The following MDM2 variants were observed in gnomAD, a reference collection of about 807,000 sequenced individuals.
The protein encoded by MDM2 is E3 ubiquitin-protein ligase Mdm2.
MDM2 carries 11 observed loss-of-function variants against 64.3 expected under a neutral mutation model. The ratio of observed to expected loss-of-function variants is 0.17; its 90% CI spans 0.11 to 0.28. The LOEUF (loss-of-function observed/expected upper bound fraction) is 0.28. MDM2 is among the 10% of genes least tolerant of loss of function. The probability of loss-of-function intolerance (pLI) is 1.00; values close to 1 mark genes in which losing one functional copy is unlikely to be tolerated. For missense variants in MDM2, 388 were observed against 577.1 expected (o/e 0.67, Z 3.36); for synonymous variants, 194 against 192.9 (o/e 1.01, Z -0.05).
rs1037147768 is a variant in MDM2 at position 68,845,251 on chromosome 12, T to C, written c.*5402T>C. ...CAGCTTAAAAAATTGTTTAAAAGTT[T>C]GTGATCATATTGTCTACCATGTAGC... On this transcript the variant is annotated 3_prime_UTR_variant, in exon 11 of 11. Coordinates refer to ENST00000258149, the MANE Select transcript of MDM2 (RefSeq NM_002392.6). 1 of 215,524 alleles carries C rather than the reference T, an allele frequency of 4.6e-6. No homozygotes were observed. Among genetic ancestry groups the C allele is most frequent in the African/African-American group, 2.3e-5 (1 of 44,260 alleles). The allele number at this position is 215,524 out of a possible 1,614,324, so 13.4% of individuals were successfully genotyped here.
rs967733380 is a variant in MDM2 at position 68,842,325 on chromosome 12, C to T, written c.*2476C>T. The T allele has an allele frequency of 6.3e-5, 31 of 495,308 alleles. No homozygotes were observed. Among genetic ancestry groups the T allele is most frequent in the Non-Finnish European group, 9.6e-5 (24 of 250,538 alleles). The allele number at this position is 495,308 out of a possible 1,614,324, so 30.7% of individuals were successfully genotyped here. A position where few individuals can be genotyped will look rare whatever the true frequency, so the allele number is the denominator to read the frequency against. On this transcript the variant is annotated 3_prime_UTR_variant, in exon 11 of 11. Coordinates refer to ENST00000258149, the MANE Select transcript of MDM2 (RefSeq NM_002392.6). ...TTGACCCCTGTTGCAGGCAAAGGAACGCAGCTGGAAGAAAAGATGATATAA... is the reference window on the plus strand; with the variant it reads ...TTGACCCCTGTTGCAGGCAAAGGAATGCAGCTGGAAGAAAAGATGATATAA...
At chr12:68,832,002 G>A (rs1315673846) in intron 8 of MDM2, among the ~76,000 whole-genome samples, 5 of 152,130 alleles carry the variant, frequency 3.3e-5, no homozygotes, top group Non-Finnish European at 7.4e-5. Context: ...CCCGGGAGGC[G>A]GAGGTTGCAG....
downstream of MDM2, chr12:68,847,368 A>G (rs1419332742): frequency 6.8e-6 from 1 of 146,412 alleles, no homozygotes; most frequent in East Asian, 2.0e-4. Flanking sequence ...TATACACTCA[A>G]CTCTGAGGTA....
chr12:68,808,740 C>T (rs562054679), intron 1 of MDM2, among the ~76,000 whole-genome samples: 1 of 148,854 alleles, frequency 6.7e-6, no homozygotes, highest in East Asian at 2.0e-4. Flanking sequence ...GGGGGTGGTT[C>T]GGAGGTCTCC....
intron 10 of MDM2, among the ~76,000 whole-genome samples, chr12:68,837,176 A>G (rs1400063310): frequency 2.6e-5 from 4 of 151,534 alleles, no homozygotes; most frequent in Non-Finnish European, 5.9e-5. Context: ...CTGGTCATGA[A>G]CTCCTGACCT....
chr12:68,817,084 G>A (rs1053975486), intron 4 of MDM2, 139 bp downstream of exon 4: 19 of 951,994 alleles, frequency 2.0e-5, no homozygotes, highest in South Asian at 5.6e-5. Flanking sequence ...TTAGCTCTGC[G>A]GCATATTATT....
chr12:68,827,715 A>G (rs1592587937), intron 7 of MDM2, among the ~76,000 whole-genome samples: 1 of 152,334 alleles, frequency 6.6e-6, no homozygotes, highest in South Asian at 2.1e-4. Context: ...TATGTCTAGT[A>G]TAAGGTAGTA....
At chr12:68,828,981 G>A (rs1882577490) in intron 8 of MDM2, 50 bp downstream of exon 8, 1 of 1,547,656 alleles carries the variant, frequency 6.5e-7, no homozygotes, top group Admixed American at 1.7e-5. Flanking sequence ...TCAAAGTCTA[G>A]TCCTGGCAGT....
At chr12:68,834,712 G>A (rs908562688) in intron 8 of MDM2, among the ~76,000 whole-genome samples, 2 of 152,192 alleles carry the variant, frequency 1.3e-5, no homozygotes, top group African/African-American at 4.8e-5. Flanking sequence ...ACTCCAGCCT[G>A]GGTGATGGAG....
At chr12:68,824,743 C>T in intron 7 of MDM2, 92 bp downstream of exon 7, 6 of 829,376 alleles carry the variant, frequency 7.2e-6, no homozygotes, top group South Asian at 1.8e-5. Context: ...TTAAATTGTT[C>T]CCTTTTTTTG....
Position 68,836,745 on chromosome 12 carries a change from T to C in MDM2, c.914T>C (p.Leu305Ser), listed in dbSNP as rs879231365. The C allele has an allele frequency of 6.2e-7, 1 of 1,602,134 alleles. No individual in the cohort carries two copies. The highest frequency in any genetic ancestry group is 1.1e-5 in the South Asian group (1 of 90,800). ...TTTGAAGAAGATCCTGAAATTTCCT[T>C]AGCTGTAAGTATACATCTACTTTTT... Reference protein sequence around the residue: ...DSFEEDPEISLADYWKCTSCN... With the variant: ...DSFEEDPEISSADYWKCTSCN... The change falls in exon 10 of 11, where the codon TTA becomes TCA. Residue 305 changes from leucine (L) to serine (S), a missense_variant. Physicochemically the swap from Leu to Ser is moderately radical, Grantham distance 145. Coordinates refer to ENST00000258149, the MANE Select transcript of MDM2 (RefSeq NM_002392.6).
In MDM2 at chr12:68,816,829, C is replaced by T. The variant is rs2136121400; in HGVS notation, c.192C>T (p.Gly64=). The T allele has an allele frequency of 6.3e-7, 1 of 1,591,666 alleles. No individual in the cohort carries two copies. Among genetic ancestry groups the T allele is most frequent in the Non-Finnish European group, 8.5e-7 (1 of 1,171,618 alleles). Residue 64 remains glycine, a synonymous_variant, in exon 4 of 11, where the codon GGC becomes GGT. Transcript: ENST00000258149. The part of the protein sequence containing the change: ...YTMKEVLFYL[G]QYIMTKRLYD... ...TATTTCAGGTTCTTTTTTATCTTGGCCAGTATATTATGACTAAACGATTAT... is the reference window on the plus strand; with the variant it reads ...TATTTCAGGTTCTTTTTTATCTTGGTCAGTATATTATGACTAAACGATTAT...
intron 5 of MDM2, among the ~76,000 whole-genome samples, chr12:68,821,257 A>T (rs1213499316): frequency 6.6e-6 from 1 of 152,008 alleles, no homozygotes; most frequent in African/African-American, 2.4e-5. Flanking sequence ...CATGTTGGCC[A>T]GGCTGGTCTC....
chr12:68,808,898 T>G, intron 1 of MDM2: 2 of 1,358,996 alleles, frequency 1.5e-6, no homozygotes, highest in Non-Finnish European at 1.9e-6. Context: ...AGTGGGCAGG[T>G]TGACTCAGCT....
chr12:68,843,696 A>G lies in MDM2; in HGVS notation c.*3847A>G, dbSNP rs1884005173. ...TTACTAATGGTACATTGTTGCTTCA[A>G]AACTCTCTCTCTCTCTCTCTGTCTG... On this transcript the variant is annotated 3_prime_UTR_variant, in exon 11 of 11. Transcript: ENST00000258149. The G allele has an allele frequency of 5.5e-6, 1 of 180,614 alleles. No individual in the cohort carries two copies. The highest frequency in any genetic ancestry group is 6.5e-5 in the Admixed American group (1 of 15,358). The allele number at this position is 180,614 out of a possible 1,614,324, so 11.2% of individuals were successfully genotyped here.
chr12:68,839,529 T>A lies in MDM2; in HGVS notation c.1174T>A (p.Ser392Thr). The A allele has an allele frequency of 6.2e-7, 1 of 1,613,820 alleles. No individual in the cohort carries two copies. The highest frequency in any genetic ancestry group is 8.5e-7 in the Non-Finnish European group (1 of 1,179,982). ...AAATGATGATAAAATTACACAAGCT[T>A]CACAATCACAAGAAAGTGAAGACTA... is the stretch of plus-strand genomic sequence containing the variant. ...EENDDKITQA[S>T]QSQESEDYSQ... Residue 392 changes from serine to threonine, a missense_variant, in exon 11 of 11, where the codon TCA becomes ACA. Ser to Thr is a moderately conservative substitution (Grantham distance 58). Around this residue, in one of 5 missense-constraint regions of MDM2, gnomAD observed 138 missense variants for 143.7 expected, o/e 0.96. Transcript: ENST00000258149.
At position 68,842,387 on chromosome 12, in the gene MDM2, A is replaced by G; in HGVS notation, c.*2538A>G. 4.1e-6 allele frequency: 2 copies of G among 493,036 alleles called. No homozygotes were observed. The highest frequency in any genetic ancestry group is 8.0e-6 in the Non-Finnish European group (2 of 249,078). 30.5% of individuals were successfully genotyped at this position (493,036 alleles called of 1,614,324 possible). On this transcript the variant is annotated 3_prime_UTR_variant, in exon 11 of 11. Coordinates refer to ENST00000258149, the MANE Select transcript of MDM2 (RefSeq NM_002392.6). ...ATGCAGACATGGCAGAGGTTTCCTA[A>G]AAATCTCATTATCTATAACCATTTC...
chr12:68,811,600 G>GA (rs1216765900), intron 2 of MDM2, among the ~76,000 whole-genome samples: 3 of 124,588 alleles, frequency 2.4e-5, no homozygotes, highest in Non-Finnish European at 3.3e-5. Flanking sequence ...TTCCATTACA[G>GA]ATTTTTTTTT....
intron 4 of MDM2, among the ~76,000 whole-genome samples, chr12:68,819,256 A>C (rs1881650227): frequency 6.6e-6 from 1 of 152,134 alleles, no homozygotes; most frequent in Admixed American, 6.5e-5. Context: ...TGTGACAAAC[A>C]CTCTCTTAAA....
Sources: gnomAD v4.1 joint callset for allele counts (sites outside exome capture counted in the v4.1 genomes callset) on GRCh38, gnomAD v4.1.1 for gene constraint, gnomAD v4.1.1 regional missense constraint, MANE v1.5 for transcripts, NCBI Gene and HGNC (gene_info 2026-07-23, HGNC 2026-07-21) for gene names.